Variants in SLC25A13 observed in about 807,000 individuals in gnomAD.
The protein encoded by SLC25A13 is solute carrier family 25 member 13.
In SLC25A13, 70 loss-of-function variants were observed where a neutral mutation model predicts 85.5. The ratio of observed to expected loss-of-function variants is 0.82; its 90% CI spans 0.68 to 1.00. The LOEUF (loss-of-function observed/expected upper bound fraction) is 1.00, where lower values mean the gene tolerates loss of function less well. SLC25A13 is among the 50% of genes least tolerant of loss of function. SLC25A13 has a pLI of 0.00. For synonymous variants in SLC25A13, 259 were observed against 288.7 expected (o/e 0.90, Z 1.04); for missense variants, 765 against 819.8 (o/e 0.93, Z 0.82).
chr7:96,302,573 C>T (rs1799589686), intron 1 of SLC25A13, among the ~76,000 whole-genome samples: 1 of 152,160 alleles, frequency 6.6e-6, no homozygotes, highest in African/African-American at 2.4e-5. Context: ...CACTGGGAGG[C>T]TGTAGAGATG....
intron 14 of SLC25A13, among the ~76,000 whole-genome samples, chr7:96,146,324 G>A (rs1013754061): frequency 4.6e-5 from 7 of 152,006 alleles, no homozygotes; most frequent in African/African-American, 1.5e-4. Context: ...TAGAGGGCAC[G>A]ATTCCTATCA....
intron 5 of SLC25A13, among the ~76,000 whole-genome samples, chr7:96,201,653 GTAAAGAAT>G (rs1373304602): frequency 6.6e-6 from 1 of 152,122 alleles, no homozygotes; most frequent in Admixed American, 6.6e-5. Context: ...CCACTCATCT[GTAAAGAAT>G]TACGGCTTCA....
rs199735534 is a variant in SLC25A13, at chr7:96,121,924, G to A, written c.1665C>T (p.Gly555=). The stretch of plus-strand genomic sequence containing the variant: ...CTATCACTCCGCTGTAAGTGGTTTG[G>A]CCAGCCCGGGCAGCCACCTGTAATC... The part of the protein sequence containing the change: ...KTRLQVAARA[G]QTTYSGVIDC... The change falls in exon 16 of 18, where the codon GGC becomes GGT. Residue 555 remains glycine (G), a synonymous_variant. Transcript: ENST00000265631. 3.0e-5 allele frequency: 48 copies of A among 1,613,964 alleles called. No homozygotes were observed. In the South Asian group the frequency reaches 4.3e-4, roughly 14 times the overall value.
chr7:96,218,084 T>C (rs1397695083), intron 4 of SLC25A13, among the ~76,000 whole-genome samples: 1 of 152,130 alleles, frequency 6.6e-6, no homozygotes, highest in Non-Finnish European at 1.5e-5. Flanking sequence ...TAGGTGACCA[T>C]CAAAATCATA....
At chr7:96,271,608 A>T (rs1410939107) in intron 3 of SLC25A13, among the ~76,000 whole-genome samples, 1 of 152,202 alleles carries the variant, frequency 6.6e-6, no homozygotes, top group Non-Finnish European at 1.5e-5. Flanking sequence ...AACTGCTTAA[A>T]TACCAAGAGC....
chr7:96,252,834 C>T (rs745406273), intron 3 of SLC25A13, among the ~76,000 whole-genome samples: 1 of 152,134 alleles, frequency 6.6e-6, no homozygotes, highest in Non-Finnish European at 1.5e-5. Flanking sequence ...TGGGTCACAC[C>T]TGTAATCCCA....
At chr7:96,213,858 A>G (rs1035266542) in intron 4 of SLC25A13, among the ~76,000 whole-genome samples, 6 of 152,202 alleles carry the variant, frequency 3.9e-5, no homozygotes, top group Non-Finnish European at 8.8e-5. Context: ...TATATTTTGG[A>G]TATATAAAGT....
chr7:96,309,107 C>T (rs900471702), intron 1 of SLC25A13, among the ~76,000 whole-genome samples: 4 of 152,336 alleles, frequency 2.6e-5, no homozygotes, highest in Admixed American at 1.3e-4. Flanking sequence ...AATGAAACTC[C>T]TTGCCAGTGA....
chr7:96,179,545 T>G (rs1192528715), intron 11 of SLC25A13, among the ~76,000 whole-genome samples: 2 of 152,252 alleles, frequency 1.3e-5, no homozygotes, highest in African/African-American at 2.4e-5. Flanking sequence ...GTTAGCTCAC[T>G]GTAGATTTCT....
intron 1 of SLC25A13, among the ~76,000 whole-genome samples, chr7:96,316,211 C>A: frequency 6.6e-6 from 1 of 152,060 alleles, no homozygotes; most frequent in East Asian, 1.9e-4. Flanking sequence ...CAACTCTGTG[C>A]ATATATTGAA....
chr7:96,167,461 C>T (rs1793803068), intron 13 of SLC25A13, among the ~76,000 whole-genome samples: 1 of 152,170 alleles, frequency 6.6e-6, no homozygotes. Flanking sequence ...GATCTCCCTA[C>T]ATACTTTCCT....
rs756485341 is a variant in SLC25A13, at chr7:96,171,469, T to C, written c.1230+3A>G. The C allele has an allele frequency of 6.2e-7, 1 of 1,612,744 alleles. No homozygotes were observed. Among genetic ancestry groups the C allele is most frequent in the Non-Finnish European group, 8.5e-7 (1 of 1,178,784 alleles). ...ATAAGAAGCACCAACTCAAAAGACT[T>C]ACTGTAAGTTTTATGGCCTTCTCTG... On this transcript the variant is annotated splice_donor_region_variant and intron_variant, in intron 12 of 17. Transcript: ENST00000265631.
chr7:96,154,168 G>A (rs1215237932), intron 13 of SLC25A13, among the ~76,000 whole-genome samples: 1 of 152,074 alleles, frequency 6.6e-6, no homozygotes, highest in Non-Finnish European at 1.5e-5. Context: ...AAAAAATCGT[G>A]TAGAGGATCT....
chr7:96,167,390 T>TA (rs1389578208), intron 13 of SLC25A13, among the ~76,000 whole-genome samples: 1 of 152,156 alleles, frequency 6.6e-6, no homozygotes, highest in Non-Finnish European at 1.5e-5. Flanking sequence ...ACTTTCATTC[T>TA]AAAAAAATAT....
chr7:96,201,799 T>C (rs772170552), intron 5 of SLC25A13, among the ~76,000 whole-genome samples: 10 of 152,192 alleles, frequency 6.6e-5, no homozygotes, highest in Middle Eastern at 3.2e-3. Context: ...GCGGGGGTAG[T>C]AGCAATTTTG....
chr7:96,196,541 G>A (rs1036426983), intron 5 of SLC25A13, among the ~76,000 whole-genome samples: 4 of 152,120 alleles, frequency 2.6e-5, no homozygotes, highest in African/African-American at 9.7e-5. Context: ...CTGTGATTAG[G>A]ACAGTGTTAC....
At chr7:96,316,832 C>G (rs1307723967) in intron 1 of SLC25A13, among the ~76,000 whole-genome samples, 1 of 152,146 alleles carries the variant, frequency 6.6e-6, no homozygotes, top group Non-Finnish European at 1.5e-5. Flanking sequence ...TCTCCCACAC[C>G]TCTCCCATAT....
intron 13 of SLC25A13, among the ~76,000 whole-genome samples, chr7:96,168,263 G>C (rs1282717313): frequency 6.6e-6 from 1 of 151,958 alleles, no homozygotes; most frequent in Non-Finnish European, 1.5e-5. Flanking sequence ...ACTTCTTAAA[G>C]TAATGATTGG....
intron 4 of SLC25A13, among the ~76,000 whole-genome samples, chr7:96,223,755 T>A (rs1459752181): frequency 7.5e-6 from 1 of 132,774 alleles, no homozygotes; most frequent in African/African-American, 2.9e-5. Flanking sequence ...GCCACTGCAC[T>A]CCAGCCGGGG....
Sources: gnomAD v4.1 joint callset for allele counts (sites outside exome capture counted in the v4.1 genomes callset) on GRCh38, gnomAD v4.1.1 for gene constraint, MANE v1.5 for transcripts, NCBI Gene and HGNC (gene_info 2026-07-23, HGNC 2026-07-21) for gene names.